The following SEPTIN10 variants were observed in gnomAD, a reference collection of about 807,000 sequenced individuals.
SEPTIN10 encodes the protein septin-10.
In SEPTIN10, 66 loss-of-function variants were observed where a neutral mutation model predicts 54.8. The ratio of observed to expected loss-of-function variants is 1.21; its 90% confidence interval spans 0.99 to 1.48. SEPTIN10 has a LOEUF of 1.48. Ranked by LOEUF, SEPTIN10 falls within the 40% of genes most tolerant of loss-of-function variation. SEPTIN10 has a pLI of 0.00. For synonymous variants in SEPTIN10, 161 were observed against 181.0 expected (o/e 0.89, Z 0.89); for missense variants, 620 against 545.6 (o/e 1.14, Z -1.36).
intron 8 of SEPTIN10, among the ~76,000 whole-genome samples, chr2:109,555,946 C>G (rs1171376107): frequency 6.6e-6 from 1 of 152,220 alleles, no homozygotes; most frequent in African/African-American, 2.4e-5. Context: ...TCCTTCCAAG[C>G]ACTGCCATGG....
chr2:109,559,034 C>T (rs556219340), intron 8 of SEPTIN10, among the ~76,000 whole-genome samples: 3 of 152,034 alleles, frequency 2.0e-5, no homozygotes, highest in Admixed American at 6.5e-5. Flanking sequence ...TATAGGTGTC[C>T]GCCACCACAC....
chr2:109,574,806 T>C lies in SEPTIN10; in HGVS notation c.414-39A>G, dbSNP rs370626771. On this transcript the variant is annotated intron_variant, in intron 4 of 10. Coordinates refer to ENST00000397712, the MANE Select transcript of SEPTIN10 (RefSeq NM_144710.5). Reference sequence around the variant, plus strand: ...TAAATGTTTAATACAACATTATTTGTGCTACCTTAAGATATCTGTGCAACT... The same window carrying C: ...TAAATGTTTAATACAACATTATTTGCGCTACCTTAAGATATCTGTGCAACT... 4.2e-6 allele frequency: 6 copies of C among 1,440,290 alleles called. No homozygotes were observed. The African/African-American group carries it at 4.3e-5, about 10-fold the overall frequency. The allele number at this position is 1,440,290 out of a possible 1,614,324, so 89.2% of individuals were successfully genotyped here. A position where few individuals can be genotyped will look rare whatever the true frequency, so the allele number is the denominator to read the frequency against.
chr2:109,545,471 T>C, intron 10 of SEPTIN10: 1 of 1,536,176 alleles, frequency 6.5e-7, no homozygotes, highest in South Asian at 1.2e-5. Context: ...TTTCTCTGCG[T>C]CTTTACGTCC....
chr2:109,585,436 A>G, intron 3 of SEPTIN10, 115 bp from the exon 4 acceptor site: 1 of 863,550 alleles, frequency 1.2e-6, no homozygotes, highest in Non-Finnish European at 1.8e-6. Context: ...CAGGGTGCGC[A>G]TGAAAGAAAT....
rs1440489782 is a variant in SEPTIN10 at position 109,585,239 on chromosome 2, GC to G, written c.299del (p.Cys100SerfsTer20). 1.9e-6 allele frequency: 3 copies of G among 1,612,240 alleles called. No homozygotes were observed. Among genetic ancestry groups the G allele is most frequent in the African/African-American group, 2.7e-5 (2 of 74,822 alleles). ...TCTGAGCTTTAAGTTTAACATTTGG[GC>G]AAAAATGTGAGGATTCATAGTCTTC... Reference protein sequence around the residue: ...NFEDYESSHFCPNVKLKAQTY... With the variant: ...NFEDYESSHFXPNVKLKAQTY... On this transcript the variant is annotated frameshift_variant, in exon 4 of 11. Transcript: ENST00000397712. LOFTEE classifies it high-confidence loss of function.
Position 109,565,771 on chromosome 2 carries a change from A to T in SEPTIN10, c.851T>A (p.Val284Asp), listed in dbSNP as rs753042647. 7 of 1,613,484 alleles carry T rather than the reference A, an allele frequency of 4.3e-6. No individual in the cohort carries two copies. The Admixed American group carries it at 1.0e-4, about 23-fold the overall frequency. ...TCCTTTGTCTCATTTACCTTGTACA[A>T]CACCCCAAGGGTACTGGCGAGCTTT... Reference protein sequence around the residue: ...MVKARQYPWGVVQVENENHCD... With the variant: ...MVKARQYPWGDVQVENENHCD... Residue 284 changes from valine (V) to aspartate (D), a missense_variant, in exon 7 of 11, where the codon GTT becomes GAT. Physicochemically the swap from Val to Asp is radical, Grantham distance 152 (BLOSUM62 -3). Transcript: ENST00000397712.
intron 4 of SEPTIN10, among the ~76,000 whole-genome samples, chr2:109,577,818 C>T (rs886479440): frequency 1.0e-4 from 15 of 146,004 alleles, no homozygotes; most frequent in Admixed American, 2.8e-4. Context: ...GAGGCTGAGG[C>T]TTAAGAATCA....
chr2:109,579,756 C>T (rs1228324059), intron 4 of SEPTIN10, among the ~76,000 whole-genome samples: 3 of 151,902 alleles, frequency 2.0e-5, no homozygotes, highest in Middle Eastern at 3.2e-3. Flanking sequence ...GCAAATTTTT[C>T]CAGAAAATAG....
intron 9 of SEPTIN10, among the ~76,000 whole-genome samples, chr2:109,550,992 C>A (rs745799208): frequency 6.6e-6 from 1 of 152,064 alleles, no homozygotes; most frequent in Non-Finnish European, 1.5e-5. Context: ...GGTCATGTAA[C>A]CTGAGGGATA....
chr2:109,556,200 G>A (rs1684334843), intron 8 of SEPTIN10, among the ~76,000 whole-genome samples: 1 of 152,150 alleles, frequency 6.6e-6, no homozygotes, highest in Admixed American at 6.5e-5. Context: ...GAATTTTGGA[G>A]GTATAATAAG....
rs2106424370 is a variant in SEPTIN10 at position 109,613,790 on chromosome 2, G to C, written c.30+8C>G. ...CGGGGCTGGGGCCCCGGCGTCGGCG[G>C]GACTCACCAGGTGCCGCGCCACCTC... On this transcript the variant is annotated splice_region_variant and intron_variant, in intron 1 of 10. Coordinates refer to ENST00000397712, the MANE Select transcript of SEPTIN10 (RefSeq NM_144710.5). 3 of 1,228,904 alleles carry C rather than the reference G, an allele frequency of 2.4e-6. No individual in the cohort carries two copies. In the South Asian group the frequency reaches 1.2e-4, roughly 49 times the overall value. 76.1% of individuals were successfully genotyped at this position (1,228,904 alleles called of 1,614,324 possible).
intron 4 of SEPTIN10, among the ~76,000 whole-genome samples, chr2:109,578,079 G>A (rs1256850654): frequency 6.6e-6 from 1 of 152,038 alleles, no homozygotes; most frequent in Non-Finnish European, 1.5e-5. Flanking sequence ...GTGATAATGT[G>A]TAAGAGAACC....
intron 2 of SEPTIN10, among the ~76,000 whole-genome samples, chr2:109,588,928 C>T (rs1012178182): frequency 2.9e-4 from 43 of 148,056 alleles, no homozygotes; most frequent in Non-Finnish European, 5.6e-4. Flanking sequence ...TAAAAATTCT[C>T]TATTAATCCA....
chr2:109,552,901 C>A, intron 9 of SEPTIN10, 186 bp downstream of exon 9: 2 of 654,204 alleles, frequency 3.1e-6, no homozygotes, highest in Non-Finnish European at 4.9e-6. Flanking sequence ...AAAAGAAGGC[C>A]AAAGTTTTCA....
In SEPTIN10 at chr2:109,613,038, A is replaced by T. The variant is rs750222171; in HGVS notation, c.30+760T>A. Reference sequence around the variant, plus strand: ...AAAACCACCAATGTTTACTATCAAAAATTAAAAGGGAGAATTTGTTTTTAA... The same window carrying T: ...AAAACCACCAATGTTTACTATCAAATATTAAAAGGGAGAATTTGTTTTTAA... On this transcript the variant is annotated intron_variant, in intron 1 of 10. Transcript: ENST00000397712. 4.9e-5 allele frequency: 27 copies of T among 546,720 alleles called. 1 individual carries two copies. Among genetic ancestry groups the T allele is most frequent in the South Asian group, 2.3e-4 (15 of 66,378 alleles). The allele number at this position is 546,720 out of a possible 1,614,324, so 33.9% of individuals were successfully genotyped here. A position where few individuals can be genotyped will look rare whatever the true frequency, so the allele number is the denominator to read the frequency against.
At position 109,585,225 on chromosome 2, in the gene SEPTIN10, A is replaced by C; in HGVS notation, c.314T>G (p.Leu105Arg). 1 of 1,613,114 alleles carries C rather than the reference A, an allele frequency of 6.2e-7. No homozygotes were observed. Among genetic ancestry groups the C allele is most frequent in the South Asian group, 1.1e-5 (1 of 90,926 alleles). Residue 105 changes from leucine to arginine, a missense_variant, in exon 4 of 11, where the codon CTT (leucine) becomes CGT (arginine). By Grantham distance (102) the Leu-to-Arg change is moderately radical (BLOSUM62 -2). Coordinates refer to ENST00000397712, the MANE Select transcript of SEPTIN10 (RefSeq NM_144710.5). Reference sequence around the variant, plus strand: ...CTGGAGTTCATATGTCTGAGCTTTAAGTTTAACATTTGGGCAAAAATGTGA... The same window carrying C: ...CTGGAGTTCATATGTCTGAGCTTTACGTTTAACATTTGGGCAAAAATGTGA... The part of the protein sequence containing the change: ...ESSHFCPNVK[L>R]KAQTYELQES...
intron 9 of SEPTIN10, 98 bp from the exon 10 acceptor site, chr2:109,546,335 CAGA>C: frequency 1.5e-6 from 1 of 682,086 alleles, no homozygotes; most frequent in South Asian, 2.8e-5. Context: ...TAGCGCAACA[CAGA>C]ATAACCTACA....
intron 5 of SEPTIN10, among the ~76,000 whole-genome samples, chr2:109,572,292 G>A (rs1048046456): frequency 2.0e-5 from 3 of 152,080 alleles, no homozygotes; most frequent in Non-Finnish European, 4.4e-5. Flanking sequence ...CACGACGCCC[G>A]GCTGAATTTT....
chr2:109,564,558 G>C (rs1686510564), intron 7 of SEPTIN10, 24 bp from the exon 8 acceptor site: 1 of 1,458,980 alleles, frequency 6.9e-7, no homozygotes, highest in African/African-American at 1.4e-5. Flanking sequence ...AATAAGAAAA[G>C]AACAACACTG....
Sources: gnomAD v4.1 joint callset for allele counts (sites outside exome capture counted in the v4.1 genomes callset) on GRCh38, gnomAD v4.1.1 for gene constraint, MANE v1.5 for transcripts, NCBI Gene and HGNC (gene_info 2026-07-23, HGNC 2026-07-21) for gene names.